CSMD1: variants seen among roughly 807,000 people sequenced by gnomAD.
The protein encoded by CSMD1 is CUB and Sushi multiple domains 1.
Under a neutral mutation model 417.5 loss-of-function variants are expected in CSMD1, and 213 were observed. That is an observed-to-expected ratio of 0.51 (90% CI 0.46 to 0.57). CSMD1 has a LOEUF of 0.57. Ranked by LOEUF, CSMD1 falls within the 20% of genes least tolerant of loss-of-function variation. The pLI is 0.00. For missense variants in CSMD1, 6,923 were observed against 4,529.7 expected (o/e 1.53, Z -15.17); for synonymous variants, 2,862 against 1,736.8 (o/e 1.65, Z -16.11).
At chr8:3,473,637 A>G (rs989481292) in intron 11 of CSMD1, among the ~76,000 whole-genome samples, 1 of 152,210 alleles carries the variant, frequency 6.6e-6, no homozygotes, top group African/African-American at 2.4e-5. Context: ...AATAAAATAG[A>G]TACTGGCTTT....
intron 3 of CSMD1, among the ~76,000 whole-genome samples, chr8:4,193,520 C>G (rs1799156372): frequency 6.6e-6 from 1 of 151,970 alleles, no homozygotes; most frequent in Admixed American, 6.6e-5. Flanking sequence ...CTGATATTAC[C>G]CAAGGACTGG....
At chr8:4,340,601 C>G (rs1315488822) in intron 3 of CSMD1, among the ~76,000 whole-genome samples, 1 of 152,132 alleles carries the variant, frequency 6.6e-6, no homozygotes, top group Non-Finnish European at 1.5e-5. Flanking sequence ...CTTCACAGTA[C>G]TCTTGCTTGG....
chr8:4,714,954 G>C (rs1003734927), intron 1 of CSMD1, among the ~76,000 whole-genome samples: 3 of 152,180 alleles, frequency 2.0e-5, no homozygotes, highest in African/African-American at 7.2e-5. Context: ...TTCTGCTGCT[G>C]TTTTTGTAAA....
chr8:4,972,667 T>A lies in CSMD1; in HGVS notation c.85+21665A>T, dbSNP rs554308685. Among the ~76,000 whole-genome samples the A allele has an allele frequency of 1.3e-4, 20 of 152,118 alleles. No individual in the cohort carries two copies. The South Asian group carries it at 4.2e-3, about 32-fold the overall frequency. On this transcript the variant is annotated intron_variant, in intron 1 of 69. Coordinates refer to ENST00000635120, the MANE Select transcript of CSMD1 (RefSeq NM_033225.6). The stretch of plus-strand genomic sequence containing the variant: ...ACACTAAGCAATATTCAAAGACAAA[T>A]CGTTGACTTTCCTTCAACAACCCTG...
chr8:3,965,985 A>T (rs754159586), intron 5 of CSMD1, among the ~76,000 whole-genome samples: 4 of 152,212 alleles, frequency 2.6e-5, no homozygotes, highest in African/African-American at 9.6e-5. Context: ...TAGCGAGAAT[A>T]AAATGTTAAT....
chr8:4,317,716 G>T (rs750122778), intron 3 of CSMD1, among the ~76,000 whole-genome samples: 16 of 152,136 alleles, frequency 1.1e-4, no homozygotes, highest in Non-Finnish European at 2.1e-4. Context: ...AAAGAGAAGC[G>T]ATAGCTCAGC....
rs547885746 is a variant in CSMD1, at chr8:4,394,630, G to A, written c.415+25323C>T. On this transcript the variant is annotated intron_variant, in intron 3 of 69. Transcript: ENST00000635120. Reference sequence around the variant, plus strand: ...GGTGAGATGTTGTCATTAGGGCTGGGAACTCCTGTGATAGTAGTAGAATTT... The same window carrying A: ...GGTGAGATGTTGTCATTAGGGCTGGAAACTCCTGTGATAGTAGTAGAATTT... 3.9e-5 allele frequency among the ~76,000 whole-genome samples: 6 copies of A among 151,974 alleles called. No individual in the cohort carries two copies. In the East Asian group the frequency reaches 9.7e-4, roughly 25 times the overall value.
chr8:4,607,175 G>C (rs1244535983), intron 2 of CSMD1, among the ~76,000 whole-genome samples: 3 of 151,966 alleles, frequency 2.0e-5, no homozygotes, highest in African/African-American at 7.3e-5. Context: ...TTGTACTCAA[G>C]GAACTAATTG....
chr8:4,247,883 T>A (rs952421876), intron 3 of CSMD1, among the ~76,000 whole-genome samples: 3 of 152,200 alleles, frequency 2.0e-5, no homozygotes, highest in African/African-American at 7.2e-5. Context: ...TACAAATTTT[T>A]CTTGAGGGAT....
chr8:4,316,548 T>C (rs539522049), intron 3 of CSMD1, among the ~76,000 whole-genome samples: 27 of 152,264 alleles, frequency 1.8e-4, no homozygotes, highest in Non-Finnish European at 3.1e-4. Flanking sequence ...AAAATAATTA[T>C]ATATAATTAA....
At chr8:4,906,801 G>C (rs1437034007) in intron 1 of CSMD1, among the ~76,000 whole-genome samples, 1 of 152,142 alleles carries the variant, frequency 6.6e-6, no homozygotes, top group Non-Finnish European at 1.5e-5. Context: ...CTCGTGATCT[G>C]CCTGCCTCGG....
chr8:3,876,684 A>C (rs1805847655), intron 5 of CSMD1, among the ~76,000 whole-genome samples: 1 of 152,182 alleles, frequency 6.6e-6, no homozygotes, highest in Non-Finnish European at 1.5e-5. Context: ...ATCAGTGCGC[A>C]CTGTAGCCTT....
chr8:4,739,965 A>T (rs1044553651), intron 1 of CSMD1, among the ~76,000 whole-genome samples: 1 of 152,136 alleles, frequency 6.6e-6, no homozygotes, highest in Admixed American at 6.5e-5. Context: ...AGCTAGGGAA[A>T]TAGCTGACTG....
intron 3 of CSMD1, among the ~76,000 whole-genome samples, chr8:4,210,135 A>G (rs922729884): frequency 4.6e-5 from 7 of 152,108 alleles, no homozygotes; most frequent in African/African-American, 1.7e-4. Flanking sequence ...TGGGCAAAGC[A>G]TTTCTCCTGT....
chr8:4,818,021 A>G (rs992200917), intron 1 of CSMD1, among the ~76,000 whole-genome samples: 35 of 152,216 alleles, frequency 2.3e-4, no homozygotes, highest in African/African-American at 8.4e-4. Context: ...AGGTTCAGTC[A>G]GCGTCACAGT....
intron 3 of CSMD1, among the ~76,000 whole-genome samples, chr8:4,272,894 T>G (rs1430682450): frequency 1.3e-5 from 2 of 152,176 alleles, no homozygotes; most frequent in East Asian, 3.8e-4. Context: ...AGTTGTAGCT[T>G]TAGCTTCTCA....
intron 3 of CSMD1, among the ~76,000 whole-genome samples, chr8:4,335,303 G>A (rs372757032): frequency 3.9e-5 from 6 of 152,120 alleles, no homozygotes; most frequent in Non-Finnish European, 8.8e-5. Context: ...CCATAACCGG[G>A]AGGGTGAGGA....
chr8:4,272,747 A>G (rs1412391179), intron 3 of CSMD1, among the ~76,000 whole-genome samples: 1 of 152,154 alleles, frequency 6.6e-6, no homozygotes, highest in Non-Finnish European at 1.5e-5. Context: ...TCATTCTGTA[A>G]TTCTTGAATG....
At chr8:4,730,306 G>A (rs977574741) in intron 1 of CSMD1, among the ~76,000 whole-genome samples, 4 of 152,110 alleles carry the variant, frequency 2.6e-5, no homozygotes, top group Non-Finnish European at 4.4e-5. Context: ...ATTAATCAAA[G>A]ACAAATTCAG....
Sources: gnomAD v4.1 joint callset for allele counts (sites outside exome capture counted in the v4.1 genomes callset) on GRCh38, gnomAD v4.1.1 for gene constraint, MANE v1.5 for transcripts, NCBI Gene and HGNC (gene_info 2026-07-23, HGNC 2026-07-21) for gene names.